The following SH3PXD2A variants were observed in gnomAD, a reference collection of about 807,000 sequenced individuals.
SH3PXD2A encodes SH3 and PX domain-containing protein 2A.
SH3PXD2A carries 32 observed loss-of-function variants against 115.2 expected under a neutral mutation model. The observed-to-expected ratio is 0.28, with a 90% confidence interval of 0.21 to 0.37. SH3PXD2A has a LOEUF of 0.37. Among genes scored for constraint, SH3PXD2A ranks in the 10% least tolerant of loss-of-function variants. The pLI is 1.00. For missense variants in SH3PXD2A, 1,328 were observed against 1,498.7 expected (o/e 0.89, Z 1.88); for synonymous variants, 610 against 629.1 (o/e 0.97, Z 0.45).
chr10:103,842,780 C>T (rs778051145), intron 1 of SH3PXD2A, among the ~76,000 whole-genome samples: 9 of 152,286 alleles, frequency 5.9e-5, no homozygotes, highest in South Asian at 4.1e-4. Flanking sequence ...AAGCTCTAAA[C>T]GGGCAGGGAT....
At chr10:103,819,769 G>A (rs1223035689) in intron 1 of SH3PXD2A, among the ~76,000 whole-genome samples, 1 of 152,082 alleles carries the variant, frequency 6.6e-6, no homozygotes, top group Non-Finnish European at 1.5e-5. Context: ...GGGGCAGGCA[G>A]GACGATGAAG....
At chr10:103,772,233 G>A (rs749188190) in intron 2 of SH3PXD2A, among the ~76,000 whole-genome samples, 2 of 152,180 alleles carry the variant, frequency 1.3e-5, no homozygotes, top group African/African-American at 4.8e-5. Flanking sequence ...TAGAGGGCCA[G>A]GCAGGCTGCA....
intron 9 of SH3PXD2A, 108 bp from the exon 10 acceptor site, chr10:103,622,661 A>G: frequency 2.9e-6 from 2 of 683,096 alleles, no homozygotes; most frequent in Non-Finnish European, 5.2e-6. Context: ...CAGGGAGGGG[A>G]GGCCCACACT....
chr10:103,728,019 T>A (rs1290480725), intron 4 of SH3PXD2A, among the ~76,000 whole-genome samples: 1 of 152,224 alleles, frequency 6.6e-6, no homozygotes, highest in East Asian at 1.9e-4. Context: ...GGGGGCCAGA[T>A]AATGGGCATA....
At chr10:103,824,802 T>C (rs1439079116) in intron 1 of SH3PXD2A, among the ~76,000 whole-genome samples, 1 of 152,126 alleles carries the variant, frequency 6.6e-6, no homozygotes, top group Non-Finnish European at 1.5e-5. Flanking sequence ...ACTCTTGCCA[T>C]GTCATCTCTC....
At chr10:103,610,874 A>T (rs1039103430) in intron 13 of SH3PXD2A, among the ~76,000 whole-genome samples, 2 of 151,602 alleles carry the variant, frequency 1.3e-5, no homozygotes, top group South Asian at 4.2e-4. Context: ...AAGTGTCAGA[A>T]GTGGAATCCG....
At chr10:103,842,072 C>T (rs1413082972) in intron 1 of SH3PXD2A, among the ~76,000 whole-genome samples, 17 of 150,666 alleles carry the variant, frequency 1.1e-4, no homozygotes, top group African/African-American at 3.7e-4. Flanking sequence ...TTGCAGTGAG[C>T]CGAGATCGCA....
chr10:103,683,802 C>T (rs538388678), intron 6 of SH3PXD2A, among the ~76,000 whole-genome samples: 11 of 152,306 alleles, frequency 7.2e-5, no homozygotes, highest in Admixed American at 3.9e-4. Flanking sequence ...CTCCTCTGTC[C>T]TTCAGGGCCA....
intron 7 of SH3PXD2A, among the ~76,000 whole-genome samples, chr10:103,667,541 G>A (rs1298008019): frequency 6.6e-6 from 1 of 152,206 alleles, no homozygotes; most frequent in African/African-American, 2.4e-5. Context: ...AACTCCAGAA[G>A]GAGATTGCAA....
At chr10:103,632,516 A>T (rs1301368917) in intron 8 of SH3PXD2A, among the ~76,000 whole-genome samples, 2 of 152,116 alleles carry the variant, frequency 1.3e-5, no homozygotes, top group Admixed American at 6.5e-5. Flanking sequence ...AGTGTGACTC[A>T]CGCCAGGGTT....
At chr10:103,697,705 C>T (rs1017348356) in intron 5 of SH3PXD2A, among the ~76,000 whole-genome samples, 2 of 152,192 alleles carry the variant, frequency 1.3e-5, no homozygotes, top group Admixed American at 1.3e-4. Context: ...AATGTAGACC[C>T]GAAAGGGTTT....
At chr10:103,767,767 C>T (rs182424894) in intron 2 of SH3PXD2A, among the ~76,000 whole-genome samples, 265 of 151,534 alleles carry the variant, frequency 1.7e-3, no homozygotes, top group Middle Eastern at 3.4e-3. Flanking sequence ...CAAGGACGGA[C>T]CCACTGGAAG....
At chr10:103,621,962 G>A (rs1020473909) in intron 10 of SH3PXD2A, among the ~76,000 whole-genome samples, 1 of 152,208 alleles carries the variant, frequency 6.6e-6, no homozygotes, top group African/African-American at 2.4e-5. Context: ...TCTAGTTTCC[G>A]TGGAGCTGGC....
chr10:103,769,269 T>C (rs755445727), intron 2 of SH3PXD2A, among the ~76,000 whole-genome samples: 1 of 151,924 alleles, frequency 6.6e-6, no homozygotes, highest in Non-Finnish European at 1.5e-5. Flanking sequence ...GTCTCTTGCA[T>C]AATCATTACC....
At chr10:103,704,181 G>A (rs1331775799) in intron 5 of SH3PXD2A, among the ~76,000 whole-genome samples, 1 of 152,180 alleles carries the variant, frequency 6.6e-6, no homozygotes, top group African/African-American at 2.4e-5. Flanking sequence ...GTGACTTGCA[G>A]GGGAAATGAC....
intron 1 of SH3PXD2A, among the ~76,000 whole-genome samples, chr10:103,838,872 C>G (rs1262697067): frequency 6.6e-6 from 1 of 152,046 alleles, no homozygotes; most frequent in Non-Finnish European, 1.5e-5. Context: ...ACAATCTTTC[C>G]AAAATGGAGA....
chr10:103,812,550 G>A (rs965801853), intron 1 of SH3PXD2A, among the ~76,000 whole-genome samples: 3 of 152,110 alleles, frequency 2.0e-5, no homozygotes, highest in African/African-American at 7.2e-5. Flanking sequence ...GACTGACCCA[G>A]GCCTACTGAC....
At chr10:103,683,876 T>G (rs2037642911) in intron 6 of SH3PXD2A, among the ~76,000 whole-genome samples, 1 of 152,140 alleles carries the variant, frequency 6.6e-6, no homozygotes, top group Non-Finnish European at 1.5e-5. Context: ...CAAGCCATCC[T>G]GCCTAGTATT....
At chr10:103,664,259 C>T (rs1207658618) in intron 7 of SH3PXD2A, among the ~76,000 whole-genome samples, 2 of 152,252 alleles carry the variant, frequency 1.3e-5, no homozygotes, top group African/African-American at 2.4e-5. Flanking sequence ...CAGCAACAAA[C>T]AAGAATAGAG....
Sources: allele counts gnomAD v4.1 joint callset (sites outside exome capture counted in the v4.1 genomes callset), GRCh38; gene constraint gnomAD v4.1.1; transcripts MANE v1.5; gene names NCBI Gene and HGNC (gene_info 2026-07-23, HGNC 2026-07-21).